TLR2: variants seen among roughly 807,000 people sequenced by gnomAD.
The protein encoded by TLR2 is toll-like receptor 2.
In TLR2, 7 loss-of-function variants were observed where a neutral mutation model predicts 9.1. The observed-to-expected ratio is 0.77, with a 90% CI of 0.44 to 1.44. TLR2 has a LOEUF of 1.44. Ranked by LOEUF, TLR2 falls within the 40% of genes most tolerant of loss-of-function variation. The pLI, the probability that TLR2 is intolerant of heterozygous loss-of-function variation, is 0.01. For synonymous variants in TLR2, 317 were observed against 344.6 expected (o/e 0.92, Z 0.89); for missense variants, 812 against 904.6 (o/e 0.90, Z 1.31).
At chr4:153,696,716 G>C (rs1736526082) in intron 2 of TLR2, among the ~76,000 whole-genome samples, 1 of 152,134 alleles carries the variant, frequency 6.6e-6, no homozygotes, top group African/African-American at 2.4e-5. Context: ...TGGTGTGACA[G>C]TTCACAATTG....
chr4:153,700,949 G>C (rs1736845349), intron 2 of TLR2, among the ~76,000 whole-genome samples: 1 of 152,096 alleles, frequency 6.6e-6, no homozygotes, highest in Non-Finnish European at 1.5e-5. Context: ...GAATCCTTCT[G>C]CTACCTCAAA....
downstream of TLR2, among the ~76,000 whole-genome samples, chr4:153,707,217 C>T (rs1045029132): frequency 1.3e-5 from 2 of 152,114 alleles, no homozygotes; most frequent in African/African-American, 2.4e-5. Flanking sequence ...AGGGCTGCTG[C>T]TGTTTCACAC....
chr4:153,702,891 G>A lies in TLR2; in HGVS notation c.-16-1G>A. 1 of 1,573,720 alleles carries A rather than the reference G, an allele frequency of 6.4e-7. No homozygotes were observed. The highest frequency in any genetic ancestry group is 2.3e-5 in the East Asian group (1 of 44,210). On this transcript the variant is annotated splice_acceptor_variant, in intron 2 of 2. Coordinates refer to ENST00000642700, the MANE Select transcript of TLR2 (RefSeq NM_001318789.2). LOFTEE classifies it low-confidence loss of function (5UTR_SPLICE). ...CTTATTTGAACCTCTTTTATTTGTA[G>A]GTTGAAGCACTGGACAATGCCACAT... is the stretch of plus-strand genomic sequence containing the variant.
chr4:153,688,532 C>A (rs1407926084), intron 2 of TLR2: 1 of 152,250 alleles, frequency 6.6e-6, no homozygotes, highest in Non-Finnish European at 1.5e-5. Context: ...TGACAGCAAG[C>A]CAGTGATAAG....
intron 2 of TLR2, chr4:153,688,274 C>CG (rs1735852178): frequency 6.6e-6 from 1 of 152,212 alleles, no homozygotes; most frequent in African/African-American, 2.4e-5. Context: ...GCAACTCCAG[C>CG]CGATTTCATT....
At chr4:153,702,651 G>A (rs902607700) in intron 2 of TLR2, 1 of 433,034 alleles carries the variant, frequency 2.3e-6, no homozygotes, top group African/African-American at 2.0e-5. Context: ...GTGCTTTTAA[G>A]TACTGCATAG....
intron 2 of TLR2, among the ~76,000 whole-genome samples, chr4:153,698,573 A>C (rs1044966617): frequency 2.6e-5 from 4 of 152,202 alleles, no homozygotes; most frequent in South Asian, 2.1e-4. Context: ...AGATAACGTG[A>C]AATTATGAAA....
chr4:153,685,775 C>G (rs977485724), intron 1 of TLR2, among the ~76,000 whole-genome samples: 1 of 151,858 alleles, frequency 6.6e-6, no homozygotes, highest in Non-Finnish European at 1.5e-5. Context: ...ATGGAATACC[C>G]CCAAATTTAA....
chr4:153,686,021 TGAGAGAGAGCAA>T (rs371515825), intron 1 of TLR2, among the ~76,000 whole-genome samples: 1 of 152,164 alleles, frequency 6.6e-6, no homozygotes, highest in Non-Finnish European at 1.5e-5. Context: ...CATCACATGG[TGAGAGAGAGCAA>T]GAGAGGACAG....
downstream of TLR2, among the ~76,000 whole-genome samples, chr4:153,708,904 G>A (rs1291381839): frequency 6.6e-6 from 1 of 152,108 alleles, no homozygotes; most frequent in African/African-American, 2.4e-5. Context: ...GTGCAGACAG[G>A]TTTTCAAATA....
At position 153,702,833 on chromosome 4, in the gene TLR2, A is replaced by G. The variant is rs907582281; in HGVS notation, c.-16-59A>G. The G allele has an allele frequency of 3.5e-6, 5 of 1,424,000 alleles. No homozygotes were observed. The African/African-American group carries it at 7.3e-5, about 21-fold the overall frequency. 88.2% of individuals were successfully genotyped at this position (1,424,000 alleles called of 1,614,324 possible). A position where few individuals can be genotyped will look rare whatever the true frequency, so the allele number is the denominator to read the frequency against. On this transcript the variant is annotated intron_variant, in intron 2 of 2. Coordinates refer to ENST00000642700, the MANE Select transcript of TLR2 (RefSeq NM_001318789.2). ...TATGCCTAGAAAACATTTCTCAAGA[A>G]TTAGAATTACGATATGCTGTCAAAC...
At chr4:153,708,440 T>C (rs1701529436), downstream of TLR2, among the ~76,000 whole-genome samples, 1 of 152,244 alleles carries the variant, frequency 6.6e-6, no homozygotes. Context: ...ACATGCCTAC[T>C]ATATAGTAAG....
In TLR2 at chr4:153,704,340, A is replaced by C. The variant is rs1408986200; in HGVS notation, c.1433A>C (p.Gln478Pro). 6.2e-7 allele frequency: 1 copy of C among 1,613,298 alleles called. No individual in the cohort carries two copies. The highest frequency in any genetic ancestry group is 8.5e-7 in the Non-Finnish European group (1 of 1,179,878). The change falls in exon 3 of 3, where the codon CAA becomes CCA. Residue 478 changes from glutamine to proline, a missense_variant. By Grantham distance (76) the Gln-to-Pro change is moderately conservative. Coordinates refer to ENST00000642700, the MANE Select transcript of TLR2 (RefSeq NM_001318789.2). ...NLNLFSLNLP[Q>P]LKELYISRNK... ...AATTTATTTTCTTTGAATTTGCCGC[A>C]ACTCAAAGAACTTTATATTTCCAGA...
intron 2 of TLR2, among the ~76,000 whole-genome samples, chr4:153,692,909 C>G (rs1736220646): frequency 6.6e-6 from 1 of 152,284 alleles, no homozygotes; most frequent in Admixed American, 6.5e-5. Context: ...ATTGAAATGT[C>G]CGCTCCTGTA....
At chr4:153,689,342 G>A (rs752531835) in intron 2 of TLR2, among the ~76,000 whole-genome samples, 7 of 152,150 alleles carry the variant, frequency 4.6e-5, no homozygotes, top group Non-Finnish European at 8.8e-5. Context: ...AGGAACTCTT[G>A]CCATATTTCT....
chr4:153,695,485 G>A (rs1156359661), intron 2 of TLR2, among the ~76,000 whole-genome samples: 1 of 152,138 alleles, frequency 6.6e-6, no homozygotes, highest in Non-Finnish European at 1.5e-5. Flanking sequence ...TTTGAGAAAT[G>A]TCTATTTAGA....
intron 2 of TLR2, among the ~76,000 whole-genome samples, chr4:153,694,173 C>G (rs1197194594): frequency 6.6e-6 from 1 of 152,236 alleles, no homozygotes; most frequent in African/African-American, 2.4e-5. Context: ...AAGCGATGGG[C>G]TCTGGCTAGA....
At position 153,704,065 on chromosome 4, in the gene TLR2, G is replaced by A. The variant is rs1417414556; in HGVS notation, c.1158G>A (p.Trp386Ter). The A allele has an allele frequency of 6.2e-7, 1 of 1,614,058 alleles. No homozygotes were observed. Among genetic ancestry groups the A allele is most frequent in the African/African-American group, 1.3e-5 (1 of 75,020 alleles). The change falls in exon 3 of 3, where the codon TGG becomes TGA. Residue 386 changes from tryptophan to a stop codon, truncating the protein, a stop_gained. Coordinates refer to ENST00000642700, the MANE Select transcript of TLR2 (RefSeq NM_001318789.2). LOFTEE classifies it low-confidence loss of function (END_TRUNC). ...YLKNSACEDA[W>*]PSLQTLILRQ... ...AAAATTCAGCCTGTGAGGATGCCTG[G>A]CCCTCTCTACAAACTTTAATTTTAA...
Position 153,704,034 on chromosome 4 carries a change from AC to A in TLR2, c.1128del (p.Leu377Ter). On this transcript the variant is annotated frameshift_variant, in exon 3 of 3. Transcript: ENST00000642700. LOFTEE classifies it low-confidence loss of function (END_TRUNC). ...AGTGAAAATTTGATGGTTGAAGAAT[AC>A]TTGAAAAATTCAGCCTGTGAGGATG... ...DLSENLMVEEYLKNSACEDAW... is the reference protein window; with the variant it reads ...DLSENLMVEEXLKNSACEDAW... 1 of 1,614,168 alleles carries A rather than the reference AC, an allele frequency of 6.2e-7. No homozygotes were observed. The highest frequency in any genetic ancestry group is 8.5e-7 in the Non-Finnish European group (1 of 1,180,018).
Sources: gnomAD v4.1 joint callset for allele counts (sites outside exome capture counted in the v4.1 genomes callset) on GRCh38, gnomAD v4.1.1 for gene constraint, MANE v1.5 for transcripts, NCBI Gene and HGNC (gene_info 2026-07-23, HGNC 2026-07-21) for gene names.